Variants in ANAPC7 observed in about 807,000 individuals in gnomAD.
The protein encoded by ANAPC7 is anaphase-promoting complex subunit 7.
Under a neutral mutation model 63.3 loss-of-function variants are expected in ANAPC7, and 25 were observed. The observed-to-expected ratio is 0.39, with a 90% CI of 0.29 to 0.55. ANAPC7 has a LOEUF of 0.55. ANAPC7 is among the 20% of genes least tolerant of loss of function. The pLI, the probability that ANAPC7 is intolerant of heterozygous loss-of-function variation, is 0.57. For synonymous variants in ANAPC7, 241 were observed against 251.7 expected (o/e 0.96, Z 0.40); for missense variants, 516 against 691.7 (o/e 0.75, Z 2.85).
chr12:110,385,751 T>A (rs1176098717), intron 6 of ANAPC7, among the ~76,000 whole-genome samples: 1 of 152,190 alleles, frequency 6.6e-6, no homozygotes, highest in Non-Finnish European at 1.5e-5. Context: ...TTTTGGACCT[T>A]TACAAATAGA....
chr12:110,376,708 A>G (rs1881317375), intron 9 of ANAPC7, among the ~76,000 whole-genome samples: 3 of 140,602 alleles, frequency 2.1e-5, no homozygotes. Flanking sequence ...ATCAGGACTG[A>G]AAAAAAAAAA....
chr12:110,403,414 C>A (rs2062262360), intron 1 of ANAPC7, 113 bp downstream of exon 1: 7 of 1,243,480 alleles, frequency 5.6e-6, no homozygotes. Flanking sequence ...CCCGGAGCCT[C>A]CGCTGGCGCC....
chr12:110,382,457 A>ATATATATATCTAT (rs1251192302), intron 7 of ANAPC7, among the ~76,000 whole-genome samples: 1 of 65,266 alleles, frequency 1.5e-5, no homozygotes, highest in Non-Finnish European at 2.9e-5. Context: ...AAAAAAAAAA[A>ATATATATATCTAT]AAAAATATAT....
chr12:110,381,884 G>T lies in ANAPC7; in HGVS notation c.1000C>A (p.Leu334Met). 6.2e-7 allele frequency: 1 copy of T among 1,606,302 alleles called. No homozygotes were observed. The change falls in exon 8 of 11, where the codon CTG (leucine) becomes ATG (methionine). Residue 334 changes from leucine to methionine, a missense_variant. Physicochemically the swap from Leu to Met is conservative, Grantham distance 15. Transcript: ENST00000455511. ...ALYLGAKAIQ[L>M]NSNSVQALLL... ...AGAGCTTGAACACTATTACTGTTCA[G>T]CTGAATGGCCTTGGCTCCTAAATAG...
chr12:110,390,571 A>G (rs1883008564), intron 3 of ANAPC7, among the ~76,000 whole-genome samples: 1 of 152,234 alleles, frequency 6.6e-6, no homozygotes, highest in Non-Finnish European at 1.5e-5. Context: ...CATTATATAA[A>G]ACAATCTAAT....
chr12:110,383,063 G>C, intron 6 of ANAPC7, 103 bp from the exon 7 acceptor site: 1 of 762,302 alleles, frequency 1.3e-6, no homozygotes, highest in Non-Finnish European at 2.1e-6. Context: ...TGAGGCCCCA[G>C]CTCCTGCAGG....
chr12:110,388,253 T>G (rs28602314), intron 4 of ANAPC7, among the ~76,000 whole-genome samples: 264 of 152,092 alleles, frequency 1.7e-3, no homozygotes, highest in African/African-American at 6.3e-3. Context: ...CCCAGGCTGG[T>G]CTCGACCTGC....
At chr12:110,376,318 A>G (rs1042732408) in intron 9 of ANAPC7, 102 bp from the exon 10 acceptor site, 1 of 1,373,502 alleles carries the variant, frequency 7.3e-7, no homozygotes, top group Non-Finnish European at 1.0e-6. Flanking sequence ...ACACTGGTGC[A>G]ACACAAAGCG....
At position 110,376,094 on chromosome 12, in the gene ANAPC7, C is replaced by G; in HGVS notation, c.1480G>C (p.Ala494Pro). ...FLVAVNEYQE[A>P]MDQYSIALSL... is the part of the protein sequence containing the mutation. ...AGTGCTATACTATACTGGTCCATTG[C>G]CTCCTGATACTCATTGACAGCTACA... is the stretch of plus-strand genomic sequence containing the variant. The change falls in exon 10 of 11, where the codon GCA becomes CCA. Residue 494 changes from alanine to proline, a missense_variant. Ala to Pro is a conservative substitution (Grantham distance 27, BLOSUM62 -1). Coordinates refer to ENST00000455511, the MANE Select transcript of ANAPC7 (RefSeq NM_016238.3). The G allele has an allele frequency of 6.2e-7, 1 of 1,614,120 alleles. No homozygotes were observed. The highest frequency in any genetic ancestry group is 8.5e-7 in the Non-Finnish European group (1 of 1,180,022).
intron 3 of ANAPC7, among the ~76,000 whole-genome samples, chr12:110,394,644 G>C (rs1883405690): frequency 1.6e-5 from 2 of 127,592 alleles, no homozygotes; most frequent in African/African-American, 6.3e-5. Flanking sequence ...ACTCCAGCCT[G>C]GGCAACAAGA....
At chr12:110,387,337 CAGAGAGAGAGAGAGACAG>C in intron 5 of ANAPC7, 1 of 20,740 alleles carries the variant, frequency 4.8e-5, no homozygotes, top group African/African-American at 2.1e-4. Flanking sequence ...GAGAGAGAGG[CAGAGAGAGAGAGAGACAG>C]AGAGAGAGAG....
chr12:110,386,505 C>A (rs553835723), intron 5 of ANAPC7, 36 bp from the exon 6 acceptor site: 2 of 1,555,782 alleles, frequency 1.3e-6, no homozygotes, highest in South Asian at 1.2e-5. Context: ...ACCTTTAAAT[C>A]TATTATAAAT....
intron 6 of ANAPC7, among the ~76,000 whole-genome samples, chr12:110,385,061 G>GCA (rs1882333076): frequency 6.6e-6 from 1 of 152,012 alleles, no homozygotes; most frequent in Non-Finnish European, 1.5e-5. Flanking sequence ...GTCAGGAGTT[G>GCA]CAGACCAGCC....
intron 8 of ANAPC7, chr12:110,378,718 A>C (rs1881534548): frequency 6.6e-6 from 1 of 152,190 alleles, no homozygotes; most frequent in Non-Finnish European, 1.5e-5. Context: ...TCAAAACAAA[A>C]AAACAGCTTA....
chr12:110,387,787 T>A lies in ANAPC7; in HGVS notation c.626A>T (p.Tyr209Phe), dbSNP rs1882744917. ...GTTGTCACCAGTGTGCACAAAAGCA[T>A]ACGCTTTGATCCACACAGAGAGCCA... ...LDWLSVWIKA[Y>F]AFVHTGDNSR... Residue 209 changes from tyrosine (Y) to phenylalanine (F), a missense_variant, in exon 5 of 11, where the codon TAT (tyrosine) becomes TTT (phenylalanine). Physicochemically the swap from Tyr to Phe is conservative, Grantham distance 22. Around this residue, in one of 4 missense-constraint regions of ANAPC7, gnomAD observed 199 missense variants for 249.3 expected, o/e 0.80. Transcript: ENST00000455511. 2.5e-6 allele frequency: 4 copies of A among 1,614,130 alleles called. No individual in the cohort carries two copies. The highest frequency in any genetic ancestry group is 3.4e-6 in the Non-Finnish European group (4 of 1,180,008).
rs1181755414 is a variant in ANAPC7 at position 110,403,703 on chromosome 12, C to T, written c.-76G>A. ...GGTAGAGGATCCTTAGGGAAGACTC[C>T]AAAATGGCGGCGTCGCCGGGGTCCA... On this transcript the variant is annotated 5_prime_UTR_variant, in exon 1 of 11. Coordinates refer to ENST00000455511, the MANE Select transcript of ANAPC7 (RefSeq NM_016238.3). 1.3e-6 allele frequency: 2 copies of T among 1,551,838 alleles called. No individual in the cohort carries two copies. Among genetic ancestry groups the T allele is most frequent in the African/African-American group, 1.4e-5 (1 of 73,220 alleles).
At chr12:110,395,968 T>C (rs905569926) in intron 2 of ANAPC7, among the ~76,000 whole-genome samples, 1 of 152,200 alleles carries the variant, frequency 6.6e-6, no homozygotes, top group African/African-American at 2.4e-5. Flanking sequence ...GGTTTCAGGA[T>C]GAAACTGTTC....
Position 110,396,441 on chromosome 12 carries a change from G to A in ANAPC7, c.113C>T (p.Ser38Phe), listed in dbSNP as rs145483086. The A allele has an allele frequency of 8.1e-6, 13 of 1,606,196 alleles. No individual in the cohort carries two copies. The African/African-American group carries it at 1.3e-4, about 17-fold the overall frequency. The change falls in exon 2 of 11, where the codon TCC becomes TTC. Residue 38 changes from serine (S) to phenylalanine (F), a missense_variant. Transcript: ENST00000455511. ...CAAAAGCTGGTACTTCTGAGGTGGG[G>A]AGAATAACTCACTAGAAAACAAGAG... ...TMSNNNPELF[S>F]PPQKYQLLVY...
intron 8 of ANAPC7, among the ~76,000 whole-genome samples, chr12:110,380,864 G>C (rs1881768643): frequency 6.6e-6 from 1 of 151,422 alleles, no homozygotes; most frequent in African/African-American, 2.4e-5. Flanking sequence ...CATTAACCCG[G>C]GAGGTGGAGC....
Sources: gnomAD v4.1 joint callset for allele counts (sites outside exome capture counted in the v4.1 genomes callset) on GRCh38, gnomAD v4.1.1 for gene constraint, gnomAD v4.1.1 regional missense constraint, MANE v1.5 for transcripts, NCBI Gene and HGNC (gene_info 2026-07-23, HGNC 2026-07-21) for gene names.